CTNNA2: variants seen among roughly 807,000 people sequenced by gnomAD.
CTNNA2 encodes the protein catenin alpha-2.
Under a neutral mutation model 101.0 loss-of-function variants are expected in CTNNA2, and 42 were observed. That is an observed-to-expected ratio of 0.42 (90% CI 0.32 to 0.54). The LOEUF is 0.54. Among genes scored for constraint, CTNNA2 ranks in the 20% least tolerant of loss-of-function variants. CTNNA2 has a pLI of 0.14. For missense variants in CTNNA2, 871 were observed against 1,223.1 expected, an observed-to-expected ratio of 0.71 and a Z score of 4.29; for synonymous variants, 450 against 456.4, an observed-to-expected ratio of 0.99 and a Z score of 0.18.
chr2:79,272,676 T>G (rs1189044942), intron 2 of CTNNA2, among the ~76,000 whole-genome samples: 1 of 152,136 alleles, frequency 6.6e-6, no homozygotes, highest in Non-Finnish European at 1.5e-5. Context: ...TTTTAAAATT[T>G]TGTTTTATTA....
At chr2:79,400,055 A>G (rs956219272) in intron 4 of CTNNA2, among the ~76,000 whole-genome samples, 1 of 152,060 alleles carries the variant, frequency 6.6e-6, no homozygotes, top group Non-Finnish European at 1.5e-5. Flanking sequence ...ACATCAATCA[A>G]TATATGTAAG....
At chr2:80,144,882 T>C (rs62140131) in intron 7 of CTNNA2, among the ~76,000 whole-genome samples, 9,290 of 152,240 alleles carry the variant, frequency 0.061, 286 homozygotes, top group South Asian at 0.089. Context: ...AATTCTTTGT[T>C]GTGGAAGATT....
chr2:79,912,033 G>A (rs1193600744), intron 7 of CTNNA2, among the ~76,000 whole-genome samples: 1 of 152,152 alleles, frequency 6.6e-6, no homozygotes, highest in Non-Finnish European at 1.5e-5. Flanking sequence ...TTCCTGGGCT[G>A]TTATCTTTCT....
At chr2:80,221,483 G>A (rs1210096129) in intron 7 of CTNNA2, among the ~76,000 whole-genome samples, 1 of 152,114 alleles carries the variant, frequency 6.6e-6, no homozygotes, top group East Asian at 1.9e-4. Flanking sequence ...GACCCATGCT[G>A]GGGCACCATG....
intron 3 of CTNNA2, among the ~76,000 whole-genome samples, chr2:79,778,093 A>G (rs529719382): frequency 7.9e-5 from 12 of 152,130 alleles, no homozygotes; most frequent in Admixed American, 3.9e-4. Flanking sequence ...TGTAATTCCA[A>G]CACTTCGGGA....
intron 1 of CTNNA2, among the ~76,000 whole-genome samples, chr2:79,536,756 G>T (rs1673098813): frequency 6.7e-6 from 1 of 149,990 alleles, no homozygotes; most frequent in East Asian, 2.0e-4. Context: ...GGAGTGCAGT[G>T]GTGCGATCTT....
In CTNNA2 at chr2:79,997,898, A is replaced by G. The variant is rs563295461; in HGVS notation, c.1056+88101A>G. Among the ~76,000 whole-genome samples the G allele has an allele frequency of 8.7e-4, 133 of 152,328 alleles. 2 individuals carry two copies. The South Asian group carries it at 0.015, about 17-fold the overall frequency. ...TGCCTGGTAGATTATGGTGTCCAACATAGAGAACTGAGCCAAAGAGATAGT... is the reference window on the plus strand; with the variant it reads ...TGCCTGGTAGATTATGGTGTCCAACGTAGAGAACTGAGCCAAAGAGATAGT... On this transcript the variant is annotated intron_variant, in intron 7 of 18. Coordinates refer to ENST00000402739, the MANE Select transcript of CTNNA2 (RefSeq NM_001282597.3).
chr2:79,404,835 T>A (rs371192861), intron 4 of CTNNA2, among the ~76,000 whole-genome samples: 12 of 152,138 alleles, frequency 7.9e-5, no homozygotes, highest in African/African-American at 2.6e-4. Flanking sequence ...ACCTCATAAT[T>A]CCTGCCCCCT....
intron 4 of CTNNA2, among the ~76,000 whole-genome samples, chr2:79,484,199 C>A (rs1457142694): frequency 6.6e-6 from 1 of 152,082 alleles, no homozygotes; most frequent in Non-Finnish European, 1.5e-5. Flanking sequence ...CATAATAGCA[C>A]TACTGCACTC....
chr2:79,712,118 C>A (rs1685777672), intron 2 of CTNNA2, among the ~76,000 whole-genome samples: 3 of 152,122 alleles, frequency 2.0e-5, no homozygotes, highest in African/African-American at 7.2e-5. Context: ...GTGCTGACTA[C>A]TTTATATGTC....
intron 6 of CTNNA2, among the ~76,000 whole-genome samples, chr2:79,877,620 C>T (rs1683124631): frequency 6.6e-6 from 1 of 152,100 alleles, no homozygotes; most frequent in Non-Finnish European, 1.5e-5. Context: ...ATGCTATTCT[C>T]AGATATTAAA....
chr2:79,763,916 C>A (rs1175633011), intron 3 of CTNNA2, among the ~76,000 whole-genome samples: 1 of 152,184 alleles, frequency 6.6e-6, no homozygotes, highest in Non-Finnish European at 1.5e-5. Context: ...TATTTAAAAG[C>A]TTTTGTTGGC....
chr2:79,936,352 A>T (rs1687789639), intron 7 of CTNNA2, among the ~76,000 whole-genome samples: 2 of 151,664 alleles, frequency 1.3e-5, no homozygotes, highest in South Asian at 4.2e-4. Context: ...GTATTATTTA[A>T]TTGTCATACC....
chr2:79,245,747 T>G (rs1249743412), intron 2 of CTNNA2, among the ~76,000 whole-genome samples: 1 of 152,206 alleles, frequency 6.6e-6, no homozygotes, highest in African/African-American at 2.4e-5. Flanking sequence ...AAGAGATATT[T>G]TAGTGCTGGA....
At position 79,981,166 on chromosome 2, in the gene CTNNA2, A is replaced by G. The variant is rs184087252; in HGVS notation, c.1056+71369A>G. 1.5e-4 allele frequency among the ~76,000 whole-genome samples: 23 copies of G among 152,318 alleles called. No homozygotes were observed. In the East Asian group the frequency reaches 3.5e-3, roughly 23 times the overall value. ...ACTTATTTTGCAGGGTAAAGCATGGAAATAAATGATACAAAACTAAGTAAA... is the reference window on the plus strand; with the variant it reads ...ACTTATTTTGCAGGGTAAAGCATGGGAATAAATGATACAAAACTAAGTAAA... On this transcript the variant is annotated intron_variant, in intron 7 of 18. Coordinates refer to ENST00000402739, the MANE Select transcript of CTNNA2 (RefSeq NM_001282597.3).
chr2:79,617,637 T>A (rs1317821493), intron 1 of CTNNA2, among the ~76,000 whole-genome samples: 2 of 152,216 alleles, frequency 1.3e-5, no homozygotes, highest in Non-Finnish European at 2.9e-5. Context: ...TTTTCATATT[T>A]CTGAATATTT....
At chr2:80,025,465 A>G (rs1268690071) in intron 7 of CTNNA2, among the ~76,000 whole-genome samples, 2 of 152,248 alleles carry the variant, frequency 1.3e-5, no homozygotes, top group East Asian at 3.9e-4. Flanking sequence ...AGCTGTCATC[A>G]TTAATGAGAT....
chr2:80,270,160 A>C (rs542277078), intron 7 of CTNNA2, among the ~76,000 whole-genome samples: 1 of 152,208 alleles, frequency 6.6e-6, no homozygotes, highest in African/African-American at 2.4e-5. Flanking sequence ...CCCCCATTCC[A>C]TAATGATACA....
At chr2:79,748,832 C>A (rs1671810846) in intron 3 of CTNNA2, among the ~76,000 whole-genome samples, 1 of 151,856 alleles carries the variant, frequency 6.6e-6, no homozygotes, top group Admixed American at 6.6e-5. Context: ...CTAGAATATT[C>A]CAGTAGAAGA....
Sources: gnomAD v4.1 joint callset for allele counts (sites outside exome capture counted in the v4.1 genomes callset) on GRCh38, gnomAD v4.1.1 for gene constraint, MANE v1.5 for transcripts, NCBI Gene and HGNC (gene_info 2026-07-23, HGNC 2026-07-21) for gene names.